Variants in FAM228B observed in about 807,000 individuals in gnomAD.
The protein encoded by FAM228B is family with sequence similarity 228 member B.
Under a neutral mutation model 42.6 loss-of-function variants are expected in FAM228B, and 38 were observed. That is an observed-to-expected ratio of 0.89 (90% confidence interval 0.69 to 1.17). FAM228B has a LOEUF of 1.17. Ranked by LOEUF, FAM228B falls within the 50% of genes most tolerant of loss-of-function variation. FAM228B has a pLI of 0.00. For missense variants in FAM228B, 344 were observed against 367.3 expected (o/e 0.94, Z 0.52); for synonymous variants, 109 against 122.3 (o/e 0.89, Z 0.72).
At chr2:24,167,731 T>C (rs1048566370) in intron 10 of FAM228B, 48 bp downstream of exon 10, 8 of 1,545,542 alleles carry the variant, frequency 5.2e-6, no homozygotes, top group Non-Finnish European at 7.0e-6. Flanking sequence ...TCCTTACCCC[T>C]GTTTCTTGCC....
chr2:24,143,164 TC>T (rs1477495228), intron 5 of FAM228B, among the ~76,000 whole-genome samples: 1 of 152,044 alleles, frequency 6.6e-6, no homozygotes, highest in Non-Finnish European at 1.5e-5. Context: ...CTTTTTCTTT[TC>T]TTTTTTTTTC....
chr2:24,141,700 T>C (rs1338465912), intron 5 of FAM228B, among the ~76,000 whole-genome samples: 2 of 152,148 alleles, frequency 1.3e-5, no homozygotes, highest in Non-Finnish European at 2.9e-5. Flanking sequence ...TTTAAAATGG[T>C]ATTTAGGGGA....
chr2:24,135,587 G>C (rs1290508563), intron 3 of FAM228B, among the ~76,000 whole-genome samples: 1 of 152,214 alleles, frequency 6.6e-6, no homozygotes, highest in African/African-American at 2.4e-5. Flanking sequence ...TCCATGTGAA[G>C]TGTACTAAAC....
At chr2:24,122,614 T>C, upstream of FAM228B, 3 of 952,710 alleles carry the variant, frequency 3.1e-6, no homozygotes, top group East Asian at 2.4e-5. Flanking sequence ...TGAATACAAA[T>C]GTCCTTAAGA....
intron 1 of FAM228B, among the ~76,000 whole-genome samples, chr2:24,079,907 A>G (rs1020022037): frequency 1.3e-5 from 2 of 152,210 alleles, no homozygotes; most frequent in African/African-American, 4.8e-5. Flanking sequence ...ATGCCAAAAT[A>G]AGTACAGTCC....
In FAM228B at chr2:24,084,495, C is replaced by T. The variant is rs1665173994; in HGVS notation, c.-210+3540C>T. The T allele has an allele frequency of 1.1e-6, 1 of 923,846 alleles. No homozygotes were observed. Among genetic ancestry groups the T allele is most frequent in the Non-Finnish European group, 1.5e-6 (1 of 660,836 alleles). The allele number at this position is 923,846 out of a possible 1,614,324, so 57.2% of individuals were successfully genotyped here. On this transcript the variant is annotated intron_variant, in intron 2 of 10. Transcript: ENST00000613899. The surrounding 1 kb of genome is among the most constrained non-coding windows in gnomAD (Gnocchi z 8.4). ...CCCCCTGCCGGCCAGCGCCTCGCTG[C>T]CCTGGTCTGCCGCGGACCCGGCCTC...
chr2:24,168,288 C>T (rs1355908421), intron 10 of FAM228B, among the ~76,000 whole-genome samples: 7 of 152,104 alleles, frequency 4.6e-5, no homozygotes, highest in Non-Finnish European at 1.0e-4. Context: ...GTTAGTCCTG[C>T]GGAACGCCAA....
intron 2 of FAM228B, among the ~76,000 whole-genome samples, chr2:24,129,349 T>A (rs963800003): frequency 6.6e-6 from 1 of 151,836 alleles, no homozygotes; most frequent in African/African-American, 2.4e-5. Context: ...AGAGTAAGTC[T>A]GTTTCCTGCT....
chr2:24,093,808 C>T (rs113422387), intron 2 of FAM228B, among the ~76,000 whole-genome samples: 18 of 151,726 alleles, frequency 1.2e-4, no homozygotes, highest in East Asian at 1.9e-4. Context: ...TTAATAGAGA[C>T]GGGTTTCACC....
intron 5 of FAM228B, 62 bp from the exon 6 acceptor site, chr2:24,146,686 G>C: frequency 8.6e-7 from 1 of 1,160,850 alleles, no homozygotes; most frequent in Non-Finnish European, 1.2e-6. Flanking sequence ...GCTTAGAATA[G>C]ACTGAAAATG....
intron 2 of FAM228B, among the ~76,000 whole-genome samples, chr2:24,087,994 C>G (rs1484699861): frequency 6.6e-6 from 1 of 152,024 alleles, no homozygotes; most frequent in Non-Finnish European, 1.5e-5. Flanking sequence ...CCACCTGCCT[C>G]GGCCTTCCAA....
At chr2:24,106,460 C>T (rs1665701302) in intron 3 of FAM228B, among the ~76,000 whole-genome samples, 1 of 150,642 alleles carries the variant, frequency 6.6e-6, no homozygotes, top group Non-Finnish European at 1.5e-5. Flanking sequence ...GCAGGGATTA[C>T]AGGCACCCGC....
In FAM228B at chr2:24,158,175, TG is replaced by T. The variant is rs1197571244; in HGVS notation, c.687-3328del. Among the ~76,000 whole-genome samples, 3 of 142,590 alleles carry T rather than the reference TG, an allele frequency of 2.1e-5. No individual in the cohort carries two copies. The East Asian group carries it at 6.4e-4, about 31-fold the overall frequency. 93.5% of individuals were successfully genotyped at this position (142,590 alleles called of 152,430 possible). A position where few individuals can be genotyped will look rare whatever the true frequency, so the allele number is the denominator to read the frequency against. On this transcript the variant is annotated intron_variant, in intron 7 of 10. Transcript: ENST00000615575. ...AATCAACCGTATTCTTCACATATGC[TG>T]GGCTTTCTCTCTGAACCTCCTTTTT...
At chr2:24,079,541 A>C (rs1664907970) in intron 1 of FAM228B, 1 of 1,614,182 alleles carries the variant, frequency 6.2e-7, no homozygotes, top group Non-Finnish European at 8.5e-7. Context: ...TCCTCCCATC[A>C]GACCATAGAG....
intron 3 of FAM228B, among the ~76,000 whole-genome samples, chr2:24,105,913 A>G (rs1217347077): frequency 6.6e-6 from 1 of 152,214 alleles, no homozygotes. Context: ...GACAAGAATA[A>G]AGAAAAAAGA....
intron 7 of FAM228B, among the ~76,000 whole-genome samples, chr2:24,157,308 CAT>C (rs1430896085): frequency 3.9e-5 from 6 of 152,158 alleles, no homozygotes; most frequent in South Asian, 2.1e-4. Flanking sequence ...CACTTCTTAA[CAT>C]GTGCTAATTT....
intron 2 of FAM228B, among the ~76,000 whole-genome samples, chr2:24,124,705 G>A (rs1007684516): frequency 3.9e-5 from 6 of 151,922 alleles, no homozygotes; most frequent in Non-Finnish European, 8.8e-5. Context: ...TTCTCTTGAG[G>A]TACTGCCTTA....
intron 7 of FAM228B, among the ~76,000 whole-genome samples, chr2:24,151,706 G>A (rs776088798): frequency 3.5e-5 from 5 of 144,768 alleles, no homozygotes; most frequent in African/African-American, 1.0e-4. Flanking sequence ...TTTTTGAGTC[G>A]GAGTCTTGCT....
upstream of FAM228B, among the ~76,000 whole-genome samples, chr2:24,120,268 CA>C (rs58841450): frequency 1.8e-4 from 21 of 118,318 alleles, no homozygotes; most frequent in South Asian, 6.4e-4. Flanking sequence ...AAACTCGTCT[CA>C]AAAAAAAAAA....
Sources: allele counts gnomAD v4.1 joint callset (sites outside exome capture counted in the v4.1 genomes callset), GRCh38; gene constraint gnomAD v4.1.1; non-coding constraint Gnocchi (gnomAD v3.1); transcripts MANE v1.5; gene names NCBI Gene and HGNC (gene_info 2026-07-23, HGNC 2026-07-21).